Variants in SYNPR observed in about 807,000 individuals in gnomAD.
SYNPR encodes the protein synaptoporin.
In SYNPR, 23 loss-of-function variants were observed where a neutral mutation model predicts 32.9. That is an observed-to-expected ratio of 0.70 (90% CI 0.50 to 0.99). The LOEUF is 0.99. Ranked by LOEUF, SYNPR falls within the 50% of genes least tolerant of loss-of-function variation. SYNPR has a pLI of 0.00. For missense variants in SYNPR, 318 were observed against 349.3 expected (o/e 0.91, Z 0.71); for synonymous variants, 146 against 135.9 (o/e 1.07, Z -0.52).
At chr3:63,308,148 A>G (rs963401164) in intron 2 of SYNPR, among the ~76,000 whole-genome samples, 1 of 152,084 alleles carries the variant, frequency 6.6e-6, no homozygotes. Flanking sequence ...AAAGAAACTT[A>G]ACTATTTTTT....
intron 4 of SYNPR, among the ~76,000 whole-genome samples, chr3:63,569,213 TTC>T (rs1340101520): frequency 1.3e-5 from 2 of 152,222 alleles, no homozygotes; most frequent in South Asian, 2.1e-4. Context: ...CTTTGAATTT[TTC>T]TCTCTCATAA....
At chr3:63,443,465 C>A in intron 2 of SYNPR, 1 of 1,607,080 alleles carries the variant, frequency 6.2e-7, no homozygotes, top group East Asian at 2.2e-5. Flanking sequence ...GTGATATTTG[C>A]TCCGGTAAGT....
chr3:63,558,052 G>A (rs1702623074), intron 4 of SYNPR, among the ~76,000 whole-genome samples: 1 of 152,162 alleles, frequency 6.6e-6, no homozygotes, highest in Non-Finnish European at 1.5e-5. Context: ...GTTCTTGTGA[G>A]AGCAGGTTGT....
chr3:63,451,283 T>C (rs975006165), intron 2 of SYNPR, among the ~76,000 whole-genome samples: 8 of 152,048 alleles, frequency 5.3e-5, no homozygotes, highest in African/African-American at 1.7e-4. Context: ...CCTCGATGAG[T>C]GCTTGAGGTT....
intron 2 of SYNPR, among the ~76,000 whole-genome samples, chr3:63,366,075 A>C (rs901802277): frequency 6.6e-6 from 1 of 152,216 alleles, no homozygotes; most frequent in Non-Finnish European, 1.5e-5. Flanking sequence ...TATCAATAAA[A>C]GATTTGGAAG....
chr3:63,456,726 T>A (rs1700490022), intron 2 of SYNPR, among the ~76,000 whole-genome samples: 1 of 152,094 alleles, frequency 6.6e-6, no homozygotes, highest in African/African-American at 2.4e-5. Flanking sequence ...AAGGAGCAGA[T>A]CTGATTCATG....
rs147727714 is a variant in SYNPR, at chr3:63,450,614, C to T, written c.85-30218C>T. Among the ~76,000 whole-genome samples the T allele has an allele frequency of 8.1e-3, 1,232 of 152,196 alleles. 14 individuals carry two copies. Among genetic ancestry groups the T allele is most frequent in the African/African-American group, 0.028 (1,159 of 41,530 alleles). ...ACAGGTTCCTGGTTTTTCAACTGGA[C>T]GTACCCAAACATCTTTGGGGGTTAT... On this transcript the variant is annotated intron_variant, in intron 2 of 5. Coordinates refer to ENST00000478300, the MANE Select transcript of SYNPR (RefSeq NM_001130003.2).
chr3:63,599,864 A>G (rs1468493018), intron 4 of SYNPR, among the ~76,000 whole-genome samples: 1 of 152,224 alleles, frequency 6.6e-6, no homozygotes, highest in Non-Finnish European at 1.5e-5. Context: ...AGTAGTACAT[A>G]TAATTTCTAA....
intron 2 of SYNPR, among the ~76,000 whole-genome samples, chr3:63,415,130 T>C (rs1226469025): frequency 1.3e-5 from 2 of 152,240 alleles, no homozygotes; most frequent in Non-Finnish European, 2.9e-5. Context: ...ATTCTTTTCC[T>C]ACTTTTTACT....
intron 2 of SYNPR, among the ~76,000 whole-genome samples, chr3:63,479,446 G>GCGCGCACA (rs6147854): frequency 7.4e-6 from 1 of 135,742 alleles, no homozygotes; most frequent in African/African-American, 3.0e-5. Flanking sequence ...CCACACACAT[G>GCGCGCACA]CACACACACA....
chr3:63,469,304 G>A (rs988447251), intron 2 of SYNPR, among the ~76,000 whole-genome samples: 1 of 152,118 alleles, frequency 6.6e-6, no homozygotes, highest in Non-Finnish European at 1.5e-5. Flanking sequence ...GTTCATTCCA[G>A]CATATCCGAT....
In SYNPR at chr3:63,306,515, T is replaced by C. The variant is rs913332215; in HGVS notation, c.84+27773T>C. Reference sequence around the variant, plus strand: ...TTCACTGATACATACCCTGCCTCTTTCTATCAGATTTACCAGTGATTAAAA... The same window carrying C: ...TTCACTGATACATACCCTGCCTCTTCCTATCAGATTTACCAGTGATTAAAA... On this transcript the variant is annotated intron_variant, in intron 2 of 5. Coordinates refer to ENST00000478300, the MANE Select transcript of SYNPR (RefSeq NM_001130003.2). Among the ~76,000 whole-genome samples, 4 of 149,644 alleles carry C rather than the reference T, an allele frequency of 2.7e-5. No individual in the cohort carries two copies. In the South Asian group the frequency reaches 8.7e-4, roughly 32 times the overall value.
chr3:63,443,031 G>C (rs116279326), intron 2 of SYNPR: 2 of 1,003,168 alleles, frequency 2.0e-6, no homozygotes, highest in South Asian at 4.5e-5. Flanking sequence ...GGCTGGCAGA[G>C]TAAAGGGGAG....
Position 63,242,760 on chromosome 3 carries a change from G to T in SYNPR, n.67-9739G>T, listed in dbSNP as rs552253016. Among the ~76,000 whole-genome samples the T allele has an allele frequency of 1.5e-3, 232 of 152,090 alleles. 2 individuals carry two copies. Among genetic ancestry groups the T allele is most frequent in the Middle Eastern group, 6.8e-3 (2 of 292 alleles). On this transcript the variant is annotated intron_variant and non_coding_transcript_variant, in intron 1 of 4. Coordinates refer to the SYNPR transcript ENST00000478456. ...ATGCTGCAACCAAAAGGAAGAATTT[G>T]CACACTAATAAGAACAAATAGAATT...
chr3:63,481,592 T>C (rs1055825175), intron 3 of SYNPR, among the ~76,000 whole-genome samples: 3 of 152,094 alleles, frequency 2.0e-5, no homozygotes, highest in African/African-American at 7.2e-5. Flanking sequence ...AGAGTAGAGC[T>C]GACAAAAGTT....
chr3:63,223,615 C>G (rs1450731951), upstream of SYNPR, among the ~76,000 whole-genome samples: 5 of 89,414 alleles, frequency 5.6e-5, no homozygotes, highest in Non-Finnish European at 1.2e-4. Flanking sequence ...TCAAGAAATT[C>G]CTTTTTAAAA....
In SYNPR at chr3:63,588,434, A is replaced by G. The variant is rs549087632; in HGVS notation, c.409-20691A>G. On this transcript the variant is annotated intron_variant, in intron 4 of 5. Coordinates refer to ENST00000478300, the MANE Select transcript of SYNPR (RefSeq NM_001130003.2). ...TTCCAGCTATATTTATAATGCCCAG[A>G]TGTTTTGTGTCAAGTAGATACGGCT... 3.3e-5 allele frequency among the ~76,000 whole-genome samples: 5 copies of G among 152,164 alleles called. No homozygotes were observed. The East Asian group carries it at 9.7e-4, about 30-fold the overall frequency.
rs377488305 is a variant in SYNPR at position 63,373,802 on chromosome 3, GA to G, written c.84+95069del. ...CAGATTCTTCAAGGTTGAAATGAAAGAAAAAAAAATGTTAAAGGCAGCTAGA... is the reference window on the plus strand; with the variant it reads ...CAGATTCTTCAAGGTTGAAATGAAAGAAAAAAAATGTTAAAGGCAGCTAGA... On this transcript the variant is annotated intron_variant, in intron 2 of 5. Transcript: ENST00000478300. Among the ~76,000 whole-genome samples, 1,220 of 150,974 alleles carry G rather than the reference GA, an allele frequency of 8.1e-3. 17 individuals are homozygous for G. Among genetic ancestry groups the G allele is most frequent in the African/African-American group, 0.026 (1,063 of 41,204 alleles).
At chr3:63,575,289 T>G (rs1354803633) in intron 4 of SYNPR, among the ~76,000 whole-genome samples, 2 of 152,122 alleles carry the variant, frequency 1.3e-5, no homozygotes, top group East Asian at 3.9e-4. Flanking sequence ...ACCCACCCTC[T>G]GCCAACAGCA....
Sources: gnomAD v4.1 joint callset for allele counts (sites outside exome capture counted in the v4.1 genomes callset) on GRCh38, gnomAD v4.1.1 for gene constraint, MANE v1.5 for transcripts, NCBI Gene and HGNC (gene_info 2026-07-23, HGNC 2026-07-21) for gene names.